Variants in UCHL5 observed in about 807,000 individuals in gnomAD.
UCHL5 encodes ubiquitin C-terminal hydrolase L5, also known as ubiquitin carboxyl-terminal hydrolase isozyme L5.
UCHL5 carries 34 observed loss-of-function variants against 53.8 expected under a neutral mutation model. That is an observed-to-expected ratio of 0.63 (90% CI 0.48 to 0.84). The LOEUF (loss-of-function observed/expected upper bound fraction) is 0.84, where lower values mean the gene tolerates loss of function less well. Among genes scored for constraint, UCHL5 ranks in the 40% least tolerant of loss-of-function variants. UCHL5 has a pLI of 0.00. For missense variants in UCHL5, 290 were observed against 385.6 expected, an observed-to-expected ratio of 0.75 and a Z score of 2.08; for synonymous variants, 111 against 126.3, an observed-to-expected ratio of 0.88 and a Z score of 0.81.
chr1:193,027,251 C>T (rs1408400234), intron 7 of UCHL5, among the ~76,000 whole-genome samples: 1 of 152,062 alleles, frequency 6.6e-6, no homozygotes, highest in Non-Finnish European at 1.5e-5. Context: ...CACAAGATGT[C>T]TCTGTATTAT....
chr1:193,023,973 A>G, intron 7 of UCHL5, 27 bp from the exon 8 acceptor site: 1 of 1,468,946 alleles, frequency 6.8e-7, no homozygotes. Flanking sequence ...TAAGTTTATA[A>G]TGTAATAAAG....
At chr1:193,059,884 T>C (rs1436979661), upstream of UCHL5, 1 of 1,365,306 alleles carries the variant, frequency 7.3e-7, no homozygotes, top group Non-Finnish European at 9.8e-7. The surrounding 1 kb of genome is among the most constrained non-coding windows in gnomAD (Gnocchi z 4.9). Flanking sequence ...GGGTTGAGGC[T>C]GGGCAAACGC....
chr1:193,043,361 T>G (rs886065887), intron 3 of UCHL5, among the ~76,000 whole-genome samples: 3 of 152,068 alleles, frequency 2.0e-5, no homozygotes, highest in African/African-American at 7.2e-5. Context: ...GCTATAAAGC[T>G]GTAATTAATC....
At chr1:193,059,770 G>C (rs759393706), upstream of UCHL5, 6 of 1,356,596 alleles carry the variant, frequency 4.4e-6, no homozygotes, top group South Asian at 5.8e-5. This position sits in a 1 kb window ranked among gnomAD's most constrained non-coding sequence, Gnocchi z 4.9. Context: ...TCGGCTGCCA[G>C]GTACAGGTGA....
intron 3 of UCHL5, among the ~76,000 whole-genome samples, chr1:193,029,984 A>G (rs149687748): frequency 9.2e-5 from 14 of 152,188 alleles, no homozygotes; most frequent in African/African-American, 3.1e-4. Context: ...TCTCCTATTC[A>G]TTTCCTCCTA....
intron 8 of UCHL5, 106 bp from the exon 9 acceptor site, chr1:193,023,142 T>G: frequency 8.4e-6 from 7 of 828,432 alleles, no homozygotes; most frequent in Non-Finnish European, 1.3e-5. Context: ...ATTTTTACTC[T>G]TCATATTGAT....
chr1:193,017,921 T>C (rs1655420585), intron 10 of UCHL5, among the ~76,000 whole-genome samples: 1 of 151,382 alleles, frequency 6.6e-6, no homozygotes, highest in South Asian at 2.1e-4. Context: ...AAGTAACATA[T>C]ATATAAGATT....
intron 1 of UCHL5, among the ~76,000 whole-genome samples, chr1:193,054,169 C>G (rs2102899855): frequency 1.3e-5 from 2 of 152,298 alleles, no homozygotes; most frequent in East Asian, 1.9e-4. Context: ...ACTAACACAT[C>G]TGTATTATAC....
At chr1:193,048,427 C>T (rs1244931929) in intron 3 of UCHL5, among the ~76,000 whole-genome samples, 1 of 152,110 alleles carries the variant, frequency 6.6e-6, no homozygotes, top group Admixed American at 6.6e-5. Context: ...ATTCATAAAA[C>T]GGTAAATGTA....
intron 10 of UCHL5, chr1:193,020,125 C>G: frequency 1.0e-6 from 1 of 984,888 alleles, no homozygotes; most frequent in Non-Finnish European, 1.2e-6. Flanking sequence ...TAGCAGTCTT[C>G]TGCAATAATT....
chr1:193,039,794 C>G (rs1664889090), intron 3 of UCHL5, among the ~76,000 whole-genome samples: 1 of 152,152 alleles, frequency 6.6e-6, no homozygotes, highest in Non-Finnish European at 1.5e-5. Context: ...AGCATAAATA[C>G]AGACACATAG....
At chr1:193,036,316 C>CGAAAAA (rs1663391524) in intron 3 of UCHL5, among the ~76,000 whole-genome samples, 1 of 73,524 alleles carries the variant, frequency 1.4e-5, no homozygotes, top group Non-Finnish European at 2.8e-5. Context: ...CAACTGGAAA[C>CGAAAAA]CAAAAAAAAA....
At chr1:193,040,438 C>T (rs1198085354) in intron 3 of UCHL5, among the ~76,000 whole-genome samples, 1 of 152,040 alleles carries the variant, frequency 6.6e-6, no homozygotes, top group African/African-American at 2.4e-5. Context: ...ATCAAAACCG[C>T]AATGTTATCA....
chr1:193,018,192 T>C (rs1213071598), intron 10 of UCHL5, among the ~76,000 whole-genome samples: 3 of 151,658 alleles, frequency 2.0e-5, no homozygotes, highest in African/African-American at 7.2e-5. Flanking sequence ...TATTACCAAT[T>C]GAATCACAAA....
chr1:193,034,968 G>A (rs1662834186), intron 3 of UCHL5, among the ~76,000 whole-genome samples: 1 of 151,906 alleles, frequency 6.6e-6, no homozygotes, highest in Admixed American at 6.6e-5. Flanking sequence ...ATCCTAAATG[G>A]AGAAATGGTA....
Position 193,043,151 on chromosome 1 carries a change from T to TTAAAAAAAAAAAAAAAAAAAAAAAA in UCHL5, c.246+6594_246+6595insTTTTTTTTTTTTTTTTTTTTTTTTA, listed in dbSNP as rs1553255148. Among the ~76,000 whole-genome samples, 16 of 36,364 alleles carry TTAAAAAAAAAAAAAAAAAAAAAAAA rather than the reference T, an allele frequency of 4.4e-4. 3 individuals carry two copies. Among genetic ancestry groups the TTAAAAAAAAAAAAAAAAAAAAAAAA allele is most frequent in the East Asian group, 7.6e-4 (1 of 1,312 alleles). 23.9% of individuals were successfully genotyped at this position (36,364 alleles called of 152,430 possible). On this transcript the variant is annotated intron_variant, in intron 3 of 10. Transcript: ENST00000367454. ...TGGAGCCTTGACAGCTCTTGAATAT[T>TTAAAAAAAAAAAAAAAAAAAAAAAA]AAAAAAAAAAAAAAAAAAAAAAAAA...
chr1:193,016,263 T>A lies in UCHL5; in HGVS notation c.*88A>T, dbSNP rs1654887806. The A allele has an allele frequency of 6.7e-7, 1 of 1,497,834 alleles. No individual in the cohort carries two copies. The highest frequency in any genetic ancestry group is 9.1e-7 in the Non-Finnish European group (1 of 1,102,910). The allele number at this position is 1,497,834 out of a possible 1,614,324, so 92.8% of individuals were successfully genotyped here. A position where few individuals can be genotyped will look rare whatever the true frequency, so the allele number is the denominator to read the frequency against. On this transcript the variant is annotated 3_prime_UTR_variant, in exon 11 of 11. Coordinates refer to ENST00000367454, the MANE Select transcript of UCHL5 (RefSeq NM_001199261.3). ...TATTGCCAAACGTGCACTGAGCCAA[T>A]TAGGATGTTGCTCTAAGTTCTTTAT...
chr1:193,045,625 A>G (rs1667099898), intron 3 of UCHL5, among the ~76,000 whole-genome samples: 1 of 152,144 alleles, frequency 6.6e-6, no homozygotes, highest in South Asian at 2.1e-4. Context: ...GGTCAATTAA[A>G]CCTTTTCTTT....
chr1:193,049,760 A>C lies in UCHL5; in HGVS notation c.232T>G (p.Phe78Val). The change falls in exon 3 of 11, where the codon TTT (phenylalanine) becomes GTT (valine). Residue 78 changes from phenylalanine to valine, a missense_variant. Transcript: ENST00000367454. ...AAGGACCATACCTGCTTAGCAAAAA[A>C]TATCGTGTCAAGTCGGGAGTCCTGA... Reference protein sequence around the residue: ...VVQDSRLDTIFFAKQVINNAC... With the variant: ...VVQDSRLDTIVFAKQVINNAC... 2 of 1,610,764 alleles carry C rather than the reference A, an allele frequency of 1.2e-6. No homozygotes were observed. The highest frequency in any genetic ancestry group is 1.7e-6 in the Non-Finnish European group (2 of 1,178,266).
Sources: allele counts gnomAD v4.1 joint callset (sites outside exome capture counted in the v4.1 genomes callset), GRCh38; gene constraint gnomAD v4.1.1; non-coding constraint Gnocchi (gnomAD v3.1); transcripts MANE v1.5; gene names NCBI Gene and HGNC (gene_info 2026-07-23, HGNC 2026-07-21).